GRIN2B: variants seen among roughly 807,000 people sequenced by gnomAD.
GRIN2B encodes glutamate receptor ionotropic, NMDA 2B.
In GRIN2B, 5 loss-of-function variants were observed where a neutral mutation model predicts 114.5. The observed-to-expected ratio is 0.04, with a 90% CI of 0.02 to 0.09. GRIN2B has a LOEUF of 0.09. Among genes scored for constraint, GRIN2B ranks in the 10% least tolerant of loss-of-function variants. GRIN2B has a pLI of 1.00. For missense variants in GRIN2B, 1,108 were observed against 1,943.5 expected (o/e 0.57, Z 8.08); for synonymous variants, 787 against 745.1 (o/e 1.06, Z -0.92).
intron 4 of GRIN2B, among the ~76,000 whole-genome samples, chr12:13,729,872 G>A (rs1863054800): frequency 6.6e-6 from 1 of 151,888 alleles, no homozygotes; most frequent in African/African-American, 2.4e-5. Context: ...GCATGCAGTG[G>A]GAACACTGTT....
At chr12:13,756,298 G>A (rs981973874) in intron 3 of GRIN2B, among the ~76,000 whole-genome samples, 2 of 152,176 alleles carry the variant, frequency 1.3e-5, no homozygotes, top group South Asian at 2.1e-4. Flanking sequence ...ACAGGCGTGA[G>A]CTACTGCGCC....
At chr12:13,882,034 C>G (rs1266947769) in intron 2 of GRIN2B, among the ~76,000 whole-genome samples, 1 of 152,124 alleles carries the variant, frequency 6.6e-6, no homozygotes, top group Non-Finnish European at 1.5e-5. Flanking sequence ...ATTCCTACAC[C>G]AACTCTCTAA....
At chr12:13,796,609 C>G (rs1417562301) in intron 3 of GRIN2B, among the ~76,000 whole-genome samples, 1 of 152,160 alleles carries the variant, frequency 6.6e-6, no homozygotes, top group Non-Finnish European at 1.5e-5. Flanking sequence ...AGACAATGAT[C>G]AACTCATTTA....
At chr12:13,744,894 TC>T (rs753374371) in intron 4 of GRIN2B, among the ~76,000 whole-genome samples, 7 of 152,076 alleles carry the variant, frequency 4.6e-5, no homozygotes, top group Non-Finnish European at 8.8e-5. Context: ...CCACATATCT[TC>T]CTTGGCTTCT....
chr12:13,908,746 C>G (rs1200400720), intron 2 of GRIN2B, among the ~76,000 whole-genome samples: 1 of 152,200 alleles, frequency 6.6e-6, no homozygotes, highest in Non-Finnish European at 1.5e-5. Flanking sequence ...TTAAATAACA[C>G]TACTTCCTTC....
At chr12:13,962,983 C>T (rs905077268) in intron 2 of GRIN2B, among the ~76,000 whole-genome samples, 2 of 152,210 alleles carry the variant, frequency 1.3e-5, no homozygotes, top group Non-Finnish European at 2.9e-5. Flanking sequence ...CACCCGCCAC[C>T]TCTTCCTTTT....
At chr12:13,833,999 C>T (rs1283215894) in intron 3 of GRIN2B, among the ~76,000 whole-genome samples, 1 of 144,878 alleles carries the variant, frequency 6.9e-6, no homozygotes, top group African/African-American at 2.5e-5. Flanking sequence ...GGTGAAAACA[C>T]AGTAGTCTCT....
At chr12:13,708,740 T>C (rs1950386430) in intron 4 of GRIN2B, among the ~76,000 whole-genome samples, 1 of 152,100 alleles carries the variant, frequency 6.6e-6, no homozygotes, top group Admixed American at 6.6e-5. Flanking sequence ...TTATCCAAGG[T>C]GACAGGTATC....
intron 4 of GRIN2B, among the ~76,000 whole-genome samples, chr12:13,708,479 T>C (rs559881309): frequency 3.9e-5 from 6 of 152,232 alleles, no homozygotes; most frequent in African/African-American, 1.4e-4. Context: ...TCTGATTTCA[T>C]TTATCATCTG....
At chr12:13,741,926 C>T (rs542719089) in intron 4 of GRIN2B, among the ~76,000 whole-genome samples, 1 of 152,192 alleles carries the variant, frequency 6.6e-6, no homozygotes, top group Non-Finnish European at 1.5e-5. Flanking sequence ...ATATAAAGCC[C>T]TTGGCACATA....
rs775112753 is a variant in GRIN2B at position 13,549,702 on chromosome 12, A to C, written c.*13081T>G. ...TACATGCTACCTAAAAAAAATTTTTAATAATAAAAAATTATTCACAATATC... is the reference window on the plus strand; with the variant it reads ...TACATGCTACCTAAAAAAAATTTTTCATAATAAAAAATTATTCACAATATC... On this transcript the variant is annotated 3_prime_UTR_variant, in exon 14 of 14. Transcript: ENST00000609686. 3.9e-5 allele frequency: 6 copies of C among 151,928 alleles called. No homozygotes were observed. Among genetic ancestry groups the C allele is most frequent in the Non-Finnish European group, 8.8e-5 (6 of 68,016 alleles). The allele number at this position is 151,928 out of a possible 1,614,324, so 9.4% of individuals were successfully genotyped here. A position where few individuals can be genotyped will look rare whatever the true frequency, so the allele number is the denominator to read the frequency against.
chr12:13,793,973 AG>A (rs1795175535), intron 3 of GRIN2B, among the ~76,000 whole-genome samples: 1 of 150,334 alleles, frequency 6.7e-6, no homozygotes, highest in East Asian at 2.0e-4. Context: ...AGGCCAAGAC[AG>A]GCAGATTGCT....
intron 2 of GRIN2B, among the ~76,000 whole-genome samples, chr12:13,909,232 A>G (rs983669641): frequency 6.6e-6 from 1 of 152,218 alleles, no homozygotes; most frequent in East Asian, 1.9e-4. Flanking sequence ...GCTTACATGT[A>G]TAGAAGATCA....
chr12:13,891,972 C>T (rs114009148), intron 2 of GRIN2B, among the ~76,000 whole-genome samples: 1,824 of 152,270 alleles, frequency 0.012, 39 homozygotes, highest in African/African-American at 0.041. Context: ...AAAATGATGG[C>T]AATAACTAAT....
chr12:13,904,955 T>G (rs959234667), intron 2 of GRIN2B, among the ~76,000 whole-genome samples: 13 of 152,190 alleles, frequency 8.5e-5, no homozygotes, highest in Admixed American at 8.5e-4. Flanking sequence ...TACATACATT[T>G]ATTTATGTTT....
chr12:13,750,645 C>T (rs1479956561), intron 4 of GRIN2B, among the ~76,000 whole-genome samples: 2 of 152,144 alleles, frequency 1.3e-5, no homozygotes, highest in South Asian at 2.1e-4. Flanking sequence ...GGGAGGAAAA[C>T]CAAAGCTACA....
intron 10 of GRIN2B, among the ~76,000 whole-genome samples, chr12:13,592,376 G>A (rs1949019430): frequency 6.6e-6 from 1 of 152,166 alleles, no homozygotes; most frequent in Non-Finnish European, 1.5e-5. Flanking sequence ...ATCTGCAGTA[G>A]CCTTTCCAGC....
rs577770765 is a variant in GRIN2B at position 13,838,994 on chromosome 12, C to T, written c.411+26804G>A. Among the ~76,000 whole-genome samples the T allele has an allele frequency of 3.9e-5, 6 of 152,324 alleles. No individual in the cohort carries two copies. The South Asian group carries it at 8.3e-4, about 21-fold the overall frequency. On this transcript the variant is annotated intron_variant, in intron 3 of 13. Coordinates refer to ENST00000609686, the MANE Select transcript of GRIN2B (RefSeq NM_000834.5). Reference sequence around the variant, plus strand: ...ATCAGATAGCAGTCATTTAGCAAGGCCCCCAGTGCCTGAACCACTTTTTTT... The same window carrying T: ...ATCAGATAGCAGTCATTTAGCAAGGTCCCCAGTGCCTGAACCACTTTTTTT...
At position 13,557,599 on chromosome 12, in the gene GRIN2B, T is replaced by C. The variant is rs1048942411; in HGVS notation, c.*5184A>G. On this transcript the variant is annotated 3_prime_UTR_variant, in exon 14 of 14. Transcript: ENST00000609686. ...ACAAGATACTGAATTTAGAAATTCA[T>C]AAATTATACACTCATATGATTGTGT... The C allele has an allele frequency of 6.6e-6, 1 of 152,230 alleles. No homozygotes were observed. Among genetic ancestry groups the C allele is most frequent in the African/African-American group, 2.4e-5 (1 of 41,458 alleles). 9.4% of individuals were successfully genotyped at this position (152,230 alleles called of 1,614,324 possible).
Sources: gnomAD v4.1 joint callset for allele counts (sites outside exome capture counted in the v4.1 genomes callset) on GRCh38, gnomAD v4.1.1 for gene constraint, MANE v1.5 for transcripts, NCBI Gene and HGNC (gene_info 2026-07-23, HGNC 2026-07-21) for gene names.